Variants in RNF128 observed in about 807,000 individuals in gnomAD.
The protein encoded by RNF128 is E3 ubiquitin-protein ligase RNF128.
In RNF128, 13 loss-of-function variants were observed where a neutral mutation model predicts 26.2. That is an observed-to-expected ratio of 0.50 (90% confidence interval 0.32 to 0.79). RNF128 has a LOEUF of 0.79. Ranked by LOEUF, RNF128 falls within the 30% of genes least tolerant of loss-of-function variation. The pLI, the probability that RNF128 is intolerant of heterozygous loss-of-function variation, is 0.03. For missense variants in RNF128, 315 were observed against 349.7 expected (o/e 0.90, Z 0.79); for synonymous variants, 149 against 142.5 (o/e 1.05, Z -0.32).
chrX:106,779,718 C>T (rs1930533899), intron 2 of RNF128, among the ~76,000 whole-genome samples: 1 of 111,346 alleles, frequency 9.0e-6, no homozygotes. Flanking sequence ...TTATGTTCTT[C>T]ATGAGAGTGG....
At chrX:106,755,719 A>G (rs1321840304) in intron 1 of RNF128, among the ~76,000 whole-genome samples, 1 of 111,686 alleles carries the variant, frequency 9.0e-6, no homozygotes, top group Non-Finnish European at 1.9e-5. Flanking sequence ...TTTCACGATT[A>G]AAAACCCTAA....
intron 1 of RNF128, among the ~76,000 whole-genome samples, chrX:106,769,319 A>T (rs756759809): frequency 9.0e-6 from 1 of 110,548 alleles, no homozygotes; most frequent in African/African-American, 3.3e-5. Context: ...TGGGGTTTTA[A>T]AGTCTCCCAT....
intron 1 of RNF128, among the ~76,000 whole-genome samples, chrX:106,729,295 G>T (rs1054567825): frequency 9.0e-6 from 1 of 110,860 alleles, no homozygotes; most frequent in African/African-American, 3.3e-5. Context: ...TAAAATTCTG[G>T]ATTTACCACA....
At chrX:106,740,313 A>G (rs1929681027) in intron 1 of RNF128, among the ~76,000 whole-genome samples, 1 of 111,425 alleles carries the variant, frequency 9.0e-6, no homozygotes, top group Non-Finnish European at 1.9e-5. Context: ...GATCTACACA[A>G]AAAAATTGCA....
chrX:106,711,489 G>T (rs1929125652), intron 1 of RNF128, among the ~76,000 whole-genome samples: 1 of 111,702 alleles, frequency 9.0e-6, no homozygotes, highest in African/African-American at 3.3e-5. Context: ...AAAAACCTGT[G>T]AATATGTATT....
chrX:106,794,378 T>A (rs1314075546), intron 6 of RNF128, among the ~76,000 whole-genome samples: 2 of 111,524 alleles, frequency 1.8e-5, no homozygotes, highest in African/African-American at 6.5e-5. Context: ...AGTAAATATG[T>A]TAGGCTTTGA....
chrX:106,737,341 C>T (rs952504155), intron 1 of RNF128, among the ~76,000 whole-genome samples: 1 of 110,159 alleles, frequency 9.1e-6, no homozygotes, highest in Non-Finnish European at 1.9e-5. Flanking sequence ...GTACAGTTGT[C>T]CATTGGTGTC....
At chrX:106,792,297 T>TCATCTGGGGC in intron 6 of RNF128, among the ~76,000 whole-genome samples, 1 of 106,866 alleles carries the variant, frequency 9.4e-6, no homozygotes, top group Non-Finnish European at 1.9e-5. Context: ...GTGTACGAGA[T>TCATCTGGGGC]AATTTATTGC....
chrX:106,787,842 G>A, intron 3 of RNF128, 76 bp from the exon 4 acceptor site: 1 of 674,339 alleles, frequency 1.5e-6, no homozygotes, highest in Non-Finnish European at 2.3e-6. Context: ...TTAAGTACAT[G>A]TATGTTCTGA....
intron 2 of RNF128, among the ~76,000 whole-genome samples, chrX:106,773,632 G>A (rs1360857089): frequency 9.0e-6 from 1 of 111,006 alleles, no homozygotes; most frequent in African/African-American, 3.3e-5. Flanking sequence ...TGAGAAGAGG[G>A]ACTAGGCTGA....
At chrX:106,744,906 G>T (rs1929768899) in intron 1 of RNF128, among the ~76,000 whole-genome samples, 1 of 111,848 alleles carries the variant, frequency 8.9e-6, no homozygotes, top group African/African-American at 3.2e-5. Context: ...AAAAATTGGA[G>T]AATTGCTGAT....
At chrX:106,762,556 G>A (rs74924729) in intron 1 of RNF128, among the ~76,000 whole-genome samples, 2 of 110,571 alleles carry the variant, frequency 1.8e-5, no homozygotes, top group Non-Finnish European at 3.8e-5. Context: ...CAGGTGATCC[G>A]CCCCCCATCG....
intron 6 of RNF128, among the ~76,000 whole-genome samples, chrX:106,795,155 T>C (rs769850989): frequency 5.9e-4 from 66 of 111,951 alleles, no homozygotes; most frequent in Non-Finnish European, 1.2e-3. Context: ...ATTTTGGGCA[T>C]CCTTCCAACT....
rs111375858 is a variant in RNF128 at position 106,785,385 on chromosome X, C to T, written c.804+249C>T. 9.8e-3 allele frequency among the ~76,000 whole-genome samples: 1,088 copies of T among 111,587 alleles called. 17 individuals are homozygous for T. The highest frequency in any genetic ancestry group is 0.034 in the African/African-American group (1,045 of 30,706). ...TTGCAGATATGATTAAGTTAAGGGT[C>T]ATGAGATGGGGAGATTATCCTGGAT... On this transcript the variant is annotated intron_variant, in intron 3 of 6. Coordinates refer to ENST00000255499, the MANE Select transcript of RNF128 (RefSeq NM_194463.2).
chrX:106,761,261 T>C (rs1930116014), intron 1 of RNF128, among the ~76,000 whole-genome samples: 1 of 111,943 alleles, frequency 8.9e-6, no homozygotes, highest in Admixed American at 9.5e-5. Context: ...TGGCTATTAT[T>C]AAAAAGTCAA....
intron 1 of RNF128, among the ~76,000 whole-genome samples, chrX:106,763,707 C>T (rs1041934604): frequency 4.5e-5 from 5 of 110,205 alleles, no homozygotes; most frequent in African/African-American, 1.7e-4. Flanking sequence ...GGGGTTTCAC[C>T]GTGTTAGCCA....
chrX:106,774,834 G>A (rs909677963), intron 2 of RNF128, among the ~76,000 whole-genome samples: 1 of 111,699 alleles, frequency 9.0e-6, no homozygotes, highest in East Asian at 2.8e-4. Flanking sequence ...AAAGGCGATC[G>A]ATTTCTGGTC....
chrX:106,700,813 C>T (rs986544700), intron 1 of RNF128, among the ~76,000 whole-genome samples: 1 of 111,808 alleles, frequency 8.9e-6, no homozygotes, highest in Non-Finnish European at 1.9e-5. Flanking sequence ...TATTCTGTAG[C>T]TTGCTTTAGC....
intron 1 of RNF128, among the ~76,000 whole-genome samples, chrX:106,699,228 A>G (rs2147656587): frequency 8.9e-6 from 1 of 112,058 alleles, no homozygotes; most frequent in South Asian, 3.7e-4. Context: ...CCCAGTTAGA[A>G]TAAAATCCAG....
Sources: gnomAD v4.1 joint callset for allele counts (sites outside exome capture counted in the v4.1 genomes callset) on GRCh38, gnomAD v4.1.1 for gene constraint, MANE v1.5 for transcripts, NCBI Gene and HGNC (gene_info 2026-07-23, HGNC 2026-07-21) for gene names.